Variants in NRG1 observed in about 807,000 individuals in gnomAD.
The protein encoded by NRG1 is neuregulin 1.
NRG1 carries 18 observed loss-of-function variants against 63.8 expected under a neutral mutation model. That is an observed-to-expected ratio of 0.28 (90% confidence interval 0.19 to 0.42). NRG1 has a LOEUF of 0.42. NRG1 is among the 10% of genes least tolerant of loss of function. NRG1 has a pLI of 1.00. For missense variants in NRG1, 762 were observed against 814.7 expected (o/e 0.94, Z 0.79); for synonymous variants, 302 against 301.3 (o/e 1.00, Z -0.02).
At chr8:32,145,377 T>C (rs770745475) in intron 1 of NRG1, among the ~76,000 whole-genome samples, 1 of 152,098 alleles carries the variant, frequency 6.6e-6, no homozygotes, top group South Asian at 2.1e-4. Context: ...AGGGCACTTA[T>C]ATAGACAAAG....
chr8:32,663,755 G>T (rs956261716), intron 5 of NRG1, among the ~76,000 whole-genome samples: 1 of 152,056 alleles, frequency 6.6e-6, no homozygotes, highest in African/African-American at 2.4e-5. Flanking sequence ...CTCTAGACAG[G>T]GTGAAGGCTC....
At chr8:31,812,361 T>A (rs1822972637) in intron 1 of NRG1, among the ~76,000 whole-genome samples, 1 of 152,148 alleles carries the variant, frequency 6.6e-6, no homozygotes, top group Non-Finnish European at 1.5e-5. Flanking sequence ...GAATTTGCAT[T>A]TCCATTAAAT....
intron 1 of NRG1, among the ~76,000 whole-genome samples, chr8:32,207,010 C>G (rs1000394493): frequency 4.6e-5 from 7 of 152,156 alleles, no homozygotes; most frequent in African/African-American, 1.7e-4. Flanking sequence ...CTATCTCCTC[C>G]GTGAGTCAGT....
intron 1 of NRG1, among the ~76,000 whole-genome samples, chr8:31,852,238 G>T (rs1208251078): frequency 2.0e-5 from 3 of 152,014 alleles, no homozygotes; most frequent in Non-Finnish European, 4.4e-5. Context: ...GTGTAAAATT[G>T]TTCCTATTTC....
At chr8:32,384,613 C>G (rs1441028204) in intron 1 of NRG1, among the ~76,000 whole-genome samples, 1 of 152,136 alleles carries the variant, frequency 6.6e-6, no homozygotes, top group Non-Finnish European at 1.5e-5. Context: ...TTCCTTTGCC[C>G]AAACAAGTGG....
rs372812675 is a variant in NRG1 at position 32,112,769 on chromosome 8, TCTC to T, written c.37+473342_37+473344del. Among the ~76,000 whole-genome samples, 414 of 152,214 alleles carry T rather than the reference TCTC, an allele frequency of 2.7e-3. 2 individuals are homozygous for T. Among genetic ancestry groups the T allele is most frequent in the African/African-American group, 9.6e-3 (397 of 41,544 alleles). On this transcript the variant is annotated intron_variant, in intron 1 of 10. Transcript: ENST00000519301. ...ACTGGAGAAGATTTACCTGCACAAT[TCTC>T]CTCTCTGCTTTTTAGTACTGCTTGG...
At chr8:32,010,589 T>C (rs565835553) in intron 1 of NRG1, among the ~76,000 whole-genome samples, 19 of 152,238 alleles carry the variant, frequency 1.2e-4, no homozygotes, top group African/African-American at 4.3e-4. Context: ...ATGCCATTAA[T>C]GTGATTCCTT....
intron 1 of NRG1, among the ~76,000 whole-genome samples, chr8:32,581,612 A>T (rs1367714034): frequency 2.0e-5 from 3 of 152,198 alleles, no homozygotes; most frequent in Admixed American, 6.5e-5. Context: ...AAAATACCTT[A>T]TATTAAATGG....
At chr8:32,302,644 T>G (rs961522595) in intron 1 of NRG1, among the ~76,000 whole-genome samples, 1 of 143,144 alleles carries the variant, frequency 7.0e-6, no homozygotes, top group Non-Finnish European at 1.5e-5. Context: ...AATGAAGTAT[T>G]TGTATTTCTA....
At chr8:32,716,821 CGTGT>C (rs67034958) in intron 5 of NRG1, among the ~76,000 whole-genome samples, 1,557 of 149,576 alleles carry the variant, frequency 0.01, 24 homozygotes, top group African/African-American at 0.034. Context: ...TGTGCATGTG[CGTGT>C]GTGTGTGTGT....
At chr8:31,902,106 G>A (rs566224693) in intron 1 of NRG1, among the ~76,000 whole-genome samples, 1 of 152,110 alleles carries the variant, frequency 6.6e-6, no homozygotes. Flanking sequence ...GAGATGGTGA[G>A]ACTTAACTAC....
chr8:32,348,203 C>T lies in NRG1; in HGVS notation c.38-247625C>T, dbSNP rs148835345. Among the ~76,000 whole-genome samples, 183 of 152,292 alleles carry T rather than the reference C, an allele frequency of 1.2e-3. 1 individual carries two copies. The highest frequency in any genetic ancestry group is 4.3e-3 in the African/African-American group (180 of 41,554). On this transcript the variant is annotated intron_variant, in intron 1 of 10. Coordinates refer to the NRG1 transcript ENST00000519301. Reference sequence around the variant, plus strand: ...CCTAGCTCAAAAAATCAATTCCTCTCTCATATCTACTTACATATCCTCTTT... The same window carrying T: ...CCTAGCTCAAAAAATCAATTCCTCTTTCATATCTACTTACATATCCTCTTT...
chr8:31,749,753 A>G (rs1365474351), intron 1 of NRG1, among the ~76,000 whole-genome samples: 1 of 151,346 alleles, frequency 6.6e-6, no homozygotes, highest in African/African-American at 2.4e-5. Context: ...ATATATATAT[A>G]TATCTTCATA....
At chr8:31,923,317 C>A (rs1284547162) in intron 1 of NRG1, among the ~76,000 whole-genome samples, 1 of 151,684 alleles carries the variant, frequency 6.6e-6, no homozygotes, top group Non-Finnish European at 1.5e-5. Flanking sequence ...AAATATTAGA[C>A]CAATATTATG....
intron 1 of NRG1, among the ~76,000 whole-genome samples, chr8:32,068,006 C>T (rs1825151223): frequency 6.6e-6 from 1 of 152,102 alleles, no homozygotes; most frequent in Admixed American, 6.6e-5. Flanking sequence ...CAAGATGAGT[C>T]ATTTGTTCCC....
intron 1 of NRG1, among the ~76,000 whole-genome samples, chr8:31,688,485 C>T (rs1445117157): frequency 2.6e-5 from 4 of 152,038 alleles, no homozygotes; most frequent in Non-Finnish European, 4.4e-5. Context: ...GTAAGCTACC[C>T]GTCAACGATA....
intron 1 of NRG1, among the ~76,000 whole-genome samples, chr8:31,689,079 G>T (rs555579524): frequency 6.6e-6 from 1 of 151,944 alleles, no homozygotes; most frequent in African/African-American, 2.4e-5. Flanking sequence ...TCTCTCTTCC[G>T]CCTCCATCTT....
chr8:31,788,004 T>C (rs1436253416), intron 1 of NRG1, among the ~76,000 whole-genome samples: 2 of 152,156 alleles, frequency 1.3e-5, no homozygotes, highest in African/African-American at 4.8e-5. Context: ...AACCCAATTT[T>C]GCCAGAGGGT....
intron 5 of NRG1, among the ~76,000 whole-genome samples, chr8:32,623,577 C>T (rs1179743298): frequency 6.6e-6 from 1 of 152,112 alleles, no homozygotes; most frequent in African/African-American, 2.4e-5. Flanking sequence ...AATTGCCCTA[C>T]TCATATTACC....
Sources: gnomAD v4.1 joint callset for allele counts (sites outside exome capture counted in the v4.1 genomes callset) on GRCh38, gnomAD v4.1.1 for gene constraint, MANE v1.5 for transcripts, NCBI Gene and HGNC (gene_info 2026-07-23, HGNC 2026-07-21) for gene names.